TMEM63C: variants seen among roughly 807,000 people sequenced by gnomAD.
TMEM63C encodes osmosensitive cation channel TMEM63C.
TMEM63C carries 32 observed loss-of-function variants against 99.2 expected under a neutral mutation model. The observed-to-expected ratio is 0.32, with a 90% CI of 0.24 to 0.43. The LOEUF is 0.43. Among genes scored for constraint, TMEM63C ranks in the 20% least tolerant of loss-of-function variants. The pLI, the probability that TMEM63C is intolerant of heterozygous loss-of-function variation, is 1.00. For missense variants in TMEM63C, 826 were observed against 1,053.0 expected (o/e 0.78, Z 2.98); for synonymous variants, 376 against 397.9 (o/e 0.94, Z 0.66).
intron 3 of TMEM63C, 108 bp downstream of exon 3, chr14:77,219,071 T>G (rs2140108642): frequency 7.9e-7 from 1 of 1,261,624 alleles, no homozygotes; most frequent in Non-Finnish European, 1.1e-6. Context: ...AACAACAACA[T>G]TGATACAAAC....
Position 77,244,212 on chromosome 14 carries a change from C to G in TMEM63C, c.1342-137C>G, listed in dbSNP as rs1413209273. On this transcript the variant is annotated intron_variant, in intron 15 of 23. Transcript: ENST00000298351. The stretch of plus-strand genomic sequence containing the variant: ...GTCAGCCTCTGCCTGGCCAGGAAAG[C>G]CAGTGAGAAGGGCCAGGCCCCTTGC... 4.4e-6 allele frequency: 3 copies of G among 677,676 alleles called. No homozygotes were observed. The Admixed American group carries it at 7.7e-5, about 17-fold the overall frequency. The allele number at this position is 677,676 out of a possible 1,614,324, so 42.0% of individuals were successfully genotyped here. A position where few individuals can be genotyped will look rare whatever the true frequency, so the allele number is the denominator to read the frequency against.
chr14:77,221,616 T>C (rs1594858881), intron 5 of TMEM63C, among the ~76,000 whole-genome samples: 2 of 28,004 alleles, frequency 7.1e-5, no homozygotes, highest in Non-Finnish European at 1.2e-4. Flanking sequence ...TGCCTCCCAC[T>C]CCTCCCACTC....
intron 23 of TMEM63C, among the ~76,000 whole-genome samples, chr14:77,254,929 A>G (rs1480319243): frequency 6.6e-6 from 1 of 152,174 alleles, no homozygotes; most frequent in Non-Finnish European, 1.5e-5. Flanking sequence ...CTTCCAGATA[A>G]TTATGTATGA....
At chr14:77,186,776 GGTGT>G (rs750331360) in intron 1 of TMEM63C, among the ~76,000 whole-genome samples, 1 of 138,438 alleles carries the variant, frequency 7.2e-6, no homozygotes, top group African/African-American at 2.8e-5. Context: ...GAACCAAAGG[GGTGT>G]GTGTGTGTGT....
chr14:77,219,586 G>A lies in TMEM63C; in HGVS notation c.230+9G>A. On this transcript the variant is annotated intron_variant, in intron 4 of 23. Transcript: ENST00000298351. ...CTGATACACAATGACAGGTGAGGAG[G>A]GGTCGAGATGGGTGAGCCGTTGCCC... The A allele has an allele frequency of 6.2e-7, 1 of 1,613,730 alleles. No homozygotes were observed. Among genetic ancestry groups the A allele is most frequent in the Non-Finnish European group, 8.5e-7 (1 of 1,179,740 alleles).
At chr14:77,191,081 C>CTT (rs1404500724) in intron 1 of TMEM63C, among the ~76,000 whole-genome samples, 1 of 152,134 alleles carries the variant, frequency 6.6e-6, no homozygotes, top group African/African-American at 2.4e-5. Context: ...TATAAACAGA[C>CTT]TTTAACCTTT....
Position 77,193,039 on chromosome 14 carries a change from A to G in TMEM63C, c.-77+11145A>G, listed in dbSNP as rs550386845. Among the ~76,000 whole-genome samples, 28 of 152,388 alleles carry G rather than the reference A, an allele frequency of 1.8e-4. No homozygotes were observed. In the East Asian group the frequency reaches 5.4e-3, roughly 29 times the overall value. On this transcript the variant is annotated intron_variant, in intron 1 of 23. Transcript: ENST00000298351. ...AGAGATGAATGACAATTTGCAATAC[A>G]CATGACAAGAAGTAAGTTGCCTTAA... is the stretch of plus-strand genomic sequence containing the variant.
intron 22 of TMEM63C, 150 bp downstream of exon 22, chr14:77,252,048 A>C (rs1889373150): frequency 1.5e-6 from 1 of 667,632 alleles, no homozygotes; most frequent in Non-Finnish European, 2.6e-6. Context: ...CCCAGTGTGC[A>C]TGCGTGCATG....
chr14:77,220,672 C>A (rs180684697), intron 5 of TMEM63C, among the ~76,000 whole-genome samples: 1 of 152,060 alleles, frequency 6.6e-6, no homozygotes. Context: ...GCAGGGGAGA[C>A]GACCAGACAG....
At chr14:77,238,789 A>C in intron 10 of TMEM63C, 22 bp downstream of exon 10, 1 of 1,602,332 alleles carries the variant, frequency 6.2e-7, no homozygotes, top group South Asian at 1.1e-5. Flanking sequence ...GGGGTAGGCC[A>C]AGGCGTGGAT....
At chr14:77,233,862 G>A (rs537527982) in intron 8 of TMEM63C, among the ~76,000 whole-genome samples, 12 of 152,164 alleles carry the variant, frequency 7.9e-5, no homozygotes, top group Admixed American at 3.9e-4. Flanking sequence ...CCAGTCAGCC[G>A]TCATATACCC....
chr14:77,251,965 C>T, intron 22 of TMEM63C, 67 bp downstream of exon 22: 1 of 1,304,746 alleles, frequency 7.7e-7, no homozygotes, highest in Non-Finnish European at 1.1e-6. Flanking sequence ...GTAGGATACT[C>T]TCCAGGTCTG....
intron 1 of TMEM63C, among the ~76,000 whole-genome samples, chr14:77,183,200 A>G (rs1887942787): frequency 2.6e-5 from 4 of 152,098 alleles, no homozygotes; most frequent in Admixed American, 2.6e-4. Flanking sequence ...TGAGTTCTCC[A>G]GGTATCTTAC....
chr14:77,225,540 C>A, intron 6 of TMEM63C, 79 bp downstream of exon 6: 3 of 1,488,050 alleles, frequency 2.0e-6, no homozygotes, highest in Middle Eastern at 3.5e-4. Flanking sequence ...AAGTTAGCAG[C>A]CCCCAGCCTG....
intron 9 of TMEM63C, among the ~76,000 whole-genome samples, chr14:77,238,079 C>T (rs1889091931): frequency 1.3e-5 from 2 of 152,192 alleles, no homozygotes; most frequent in Non-Finnish European, 2.9e-5. Flanking sequence ...TTTCAAGACC[C>T]CTGATTCTTG....
intron 1 of TMEM63C, among the ~76,000 whole-genome samples, chr14:77,206,537 G>A (rs1280115667): frequency 1.3e-5 from 2 of 152,232 alleles, no homozygotes; most frequent in African/African-American, 4.8e-5. Context: ...GGGAGAGAGA[G>A]GAGATGGCAT....
chr14:77,251,499 C>T (rs941672473), intron 21 of TMEM63C, among the ~76,000 whole-genome samples: 3 of 152,174 alleles, frequency 2.0e-5, no homozygotes, highest in Admixed American at 6.5e-5. Context: ...TTCCCAGGGA[C>T]GATGGTGTTG....
intron 1 of TMEM63C, among the ~76,000 whole-genome samples, chr14:77,202,408 G>A (rs1406627412): frequency 7.9e-5 from 12 of 152,054 alleles, no homozygotes; most frequent in Admixed American, 6.5e-4. Flanking sequence ...ACCACAAACT[G>A]TGTGGTTCTG....
chr14:77,182,427 C>T (rs1887930079), intron 1 of TMEM63C, among the ~76,000 whole-genome samples: 1 of 152,224 alleles, frequency 6.6e-6, no homozygotes, highest in South Asian at 2.1e-4. Context: ...CCATGTGCTT[C>T]CAAAGAAAGG....
Sources: allele counts gnomAD v4.1 joint callset (sites outside exome capture counted in the v4.1 genomes callset), GRCh38; gene constraint gnomAD v4.1.1; transcripts MANE v1.5; gene names NCBI Gene and HGNC (gene_info 2026-07-23, HGNC 2026-07-21).